Variants in CRACDL observed in about 807,000 individuals in gnomAD.
CRACDL encodes the protein CRACD-like protein.
CRACDL carries 26 observed loss-of-function variants against 70.6 expected under a neutral mutation model. The observed-to-expected ratio is 0.37, with a 90% CI of 0.27 to 0.51. The LOEUF (loss-of-function observed/expected upper bound fraction) is 0.51. Ranked by LOEUF, CRACDL falls within the 20% of genes least tolerant of loss-of-function variation. CRACDL has a pLI of 0.94. For synonymous variants in CRACDL, 618 were observed against 615.2 expected, an observed-to-expected ratio of 1.00 and a Z score of -0.07; for missense variants, 1,283 against 1,376.9, an observed-to-expected ratio of 0.93 and a Z score of 1.08.
rs762310000 is a variant in CRACDL at position 98,832,339 on chromosome 2, C to T, written c.540+9G>A. On this transcript the variant is annotated intron_variant, in intron 5 of 9. Coordinates refer to ENST00000397899, the MANE Select transcript of CRACDL (RefSeq NM_207362.3). ...GATGAAGACATGCAGTGGTACAGGC[C>T]GCACTTGCCTTTATGGTGGTACCAG... 2.0e-5 allele frequency: 32 copies of T among 1,613,936 alleles called. No homozygotes were observed. Among genetic ancestry groups the T allele is most frequent in the African/African-American group, 4.0e-5 (3 of 74,904 alleles).
chr2:98,923,233 T>C (rs1451492872), intron 1 of CRACDL, among the ~76,000 whole-genome samples: 3 of 148,012 alleles, frequency 2.0e-5, no homozygotes, highest in Non-Finnish European at 4.4e-5. Flanking sequence ...ATCATGACAC[T>C]GCACTCCAGC....
At chr2:98,820,027 C>A (rs1446046330) in intron 7 of CRACDL, among the ~76,000 whole-genome samples, 1 of 150,906 alleles carries the variant, frequency 6.6e-6, no homozygotes, top group African/African-American at 2.4e-5. Flanking sequence ...ACCACGTTGG[C>A]CAGGCTGGTC....
intron 1 of CRACDL, among the ~76,000 whole-genome samples, chr2:98,857,117 G>A (rs1706730900): frequency 6.6e-6 from 1 of 152,108 alleles, no homozygotes; most frequent in African/African-American, 2.4e-5. Context: ...GTCTCTCCAG[G>A]TGCAATTTGC....
chr2:98,835,801 T>C (rs527282122), intron 3 of CRACDL, among the ~76,000 whole-genome samples: 2 of 152,294 alleles, frequency 1.3e-5, no homozygotes, highest in Non-Finnish European at 2.9e-5. Flanking sequence ...AAGTGTACAG[T>C]GAATGATAGA....
intron 1 of CRACDL, among the ~76,000 whole-genome samples, chr2:98,892,870 C>T (rs1252340295): frequency 6.6e-6 from 1 of 152,148 alleles, no homozygotes; most frequent in Non-Finnish European, 1.5e-5. Flanking sequence ...AAACCCACTG[C>T]ACCCTTCCTC....
intron 1 of CRACDL, among the ~76,000 whole-genome samples, chr2:98,914,051 C>A (rs1708607776): frequency 6.6e-6 from 1 of 152,250 alleles, no homozygotes; most frequent in African/African-American, 2.4e-5. Context: ...TAAGCAATCA[C>A]CTCTGCAATG....
rs542561405 is a variant in CRACDL, at chr2:98,848,381, A to G, written c.-10-1571T>C. 5.9e-5 allele frequency among the ~76,000 whole-genome samples: 9 copies of G among 152,224 alleles called. No individual in the cohort carries two copies. In the East Asian group the frequency reaches 7.7e-4, roughly 13 times the overall value. ...AGAGGTGGTAGCTGCCGGGGATTCA[A>G]TGGAAGAGGCAATGGAGAAGGAAAA... On this transcript the variant is annotated intron_variant, in intron 1 of 9. Transcript: ENST00000397899.
chr2:98,863,080 T>G (rs1269379320), intron 1 of CRACDL, among the ~76,000 whole-genome samples: 3 of 152,090 alleles, frequency 2.0e-5, no homozygotes, highest in Admixed American at 1.3e-4. Flanking sequence ...TAGGATGAAC[T>G]TAAGCCCACA....
At chr2:98,805,789 C>G (rs532031346) in intron 7 of CRACDL, among the ~76,000 whole-genome samples, 40 of 152,222 alleles carry the variant, frequency 2.6e-4, no homozygotes, top group Non-Finnish European at 5.3e-4. Flanking sequence ...GAGGCACTGC[C>G]AAGGGCTCCT....
chr2:98,913,334 G>C (rs11673844), intron 1 of CRACDL, among the ~76,000 whole-genome samples: 5,091 of 152,254 alleles, frequency 0.033, 129 homozygotes, highest in South Asian at 0.087. Flanking sequence ...CCTCTGTCGG[G>C]GGGTGGGAAG....
At chr2:98,832,303 G>A (rs371219133) in intron 5 of CRACDL, 45 bp downstream of exon 5, 159 of 1,606,590 alleles carry the variant, frequency 9.9e-5, no homozygotes, top group Admixed American at 7.5e-4. Flanking sequence ...GCACCCTCCA[G>A]GGCAGGTGTG....
At chr2:98,881,784 C>T (rs1707659015) in intron 1 of CRACDL, among the ~76,000 whole-genome samples, 1 of 152,196 alleles carries the variant, frequency 6.6e-6, no homozygotes, top group Non-Finnish European at 1.5e-5. Flanking sequence ...GGTGTGGAAG[C>T]TGGGCACACA....
intron 7 of CRACDL, among the ~76,000 whole-genome samples, chr2:98,820,327 C>T (rs568160032): frequency 2.4e-4 from 36 of 151,504 alleles, no homozygotes; most frequent in African/African-American, 7.7e-4. Context: ...GTCAGGAGCT[C>T]GAGACCAGCC....
chr2:98,809,440 G>A (rs1280860999), intron 7 of CRACDL, among the ~76,000 whole-genome samples: 1 of 152,024 alleles, frequency 6.6e-6, no homozygotes, highest in African/African-American at 2.4e-5. Context: ...GCCCACAGGT[G>A]GTCTGAGTCC....
intron 1 of CRACDL, among the ~76,000 whole-genome samples, chr2:98,905,792 A>C (rs577463204): frequency 1.3e-5 from 2 of 152,098 alleles, no homozygotes; most frequent in East Asian, 1.9e-4. Context: ...TAATTTTTGT[A>C]TTTTAGTAGA....
At chr2:98,848,845 C>T (rs1706365391) in intron 1 of CRACDL, among the ~76,000 whole-genome samples, 1 of 152,204 alleles carries the variant, frequency 6.6e-6, no homozygotes, top group Non-Finnish European at 1.5e-5. Flanking sequence ...GCCTTGGCCT[C>T]CCAAAGTGCT....
chr2:98,810,054 AG>A (rs1282314990), intron 7 of CRACDL, among the ~76,000 whole-genome samples: 25 of 152,200 alleles, frequency 1.6e-4, no homozygotes, highest in African/African-American at 6.0e-4. Flanking sequence ...CCCTCATCCC[AG>A]CACCTGGTCA....
intron 1 of CRACDL, among the ~76,000 whole-genome samples, chr2:98,851,082 T>C (rs1706462664): frequency 6.6e-6 from 1 of 152,158 alleles, no homozygotes. Flanking sequence ...GATTCCCTAA[T>C]CCCACACCAC....
intron 1 of CRACDL, among the ~76,000 whole-genome samples, chr2:98,892,951 G>A (rs1186701333): frequency 6.6e-6 from 1 of 152,016 alleles, no homozygotes; most frequent in Non-Finnish European, 1.5e-5. Context: ...GATTTTTTTG[G>A]TTTCTCTGAT....
Sources: gnomAD v4.1 joint callset for allele counts (sites outside exome capture counted in the v4.1 genomes callset) on GRCh38, gnomAD v4.1.1 for gene constraint, MANE v1.5 for transcripts, NCBI Gene and HGNC (gene_info 2026-07-23, HGNC 2026-07-21) for gene names.